HDGFL2: variants seen among roughly 807,000 people sequenced by gnomAD.
HDGFL2 encodes the protein HDGF like 2, also known as hepatoma-derived growth factor-related protein 2.
HDGFL2 carries 36 observed loss-of-function variants against 77.1 expected under a neutral mutation model. The observed-to-expected ratio is 0.47, with a 90% confidence interval of 0.36 to 0.62. The LOEUF is 0.62. HDGFL2 is among the 20% of genes least tolerant of loss of function. The probability of loss-of-function intolerance (pLI) is 0.00; values close to 1 mark genes in which losing one functional copy is unlikely to be tolerated. For synonymous variants in HDGFL2, 463 were observed against 413.1 expected, an observed-to-expected ratio of 1.12 and a Z score of -1.46; for missense variants, 976 against 973.4, an observed-to-expected ratio of 1.00 and a Z score of -0.04.
At chr19:4,479,606 A>AAAC (rs1975162762) in intron 3 of HDGFL2, among the ~76,000 whole-genome samples, 2 of 136,706 alleles carry the variant, frequency 1.5e-5, no homozygotes, top group Non-Finnish European at 3.2e-5. Flanking sequence ...AAAGAAAGAA[A>AAAC]CCCCGCCTCT....
At chr19:4,500,452 A>ATTT (rs67297373) in intron 14 of HDGFL2, among the ~76,000 whole-genome samples, 1 of 88,704 alleles carries the variant, frequency 1.1e-5, no homozygotes, top group South Asian at 3.5e-4. Flanking sequence ...TGCCCTGCTA[A>ATTT]TTTTTTTTTT....
rs377649905 is a variant in HDGFL2, at chr19:4,493,967, C to G, written c.839-15C>G. The G allele has an allele frequency of 4.4e-6, 7 of 1,603,598 alleles. No individual in the cohort carries two copies. Among genetic ancestry groups the G allele is most frequent in the Non-Finnish European group, 6.0e-6 (7 of 1,175,490 alleles). ...CCCTGGAAGGGAAGGTCACCCCCTC[C>G]TCCTCTTCCTGTAGCGGAGAAGCCT... On this transcript the variant is annotated splice_polypyrimidine_tract_variant and intron_variant, in intron 7 of 15. Coordinates refer to ENST00000616600, the MANE Select transcript of HDGFL2 (RefSeq NM_001001520.3).
chr19:4,491,434 T>G (rs1290237277), intron 4 of HDGFL2, 132 bp from the exon 5 acceptor site: 4 of 708,608 alleles, frequency 5.6e-6, no homozygotes, highest in Non-Finnish European at 9.9e-6. Flanking sequence ...TTGATCAGGT[T>G]CTCAGAGGGT....
chr19:4,481,042 A>T (rs1447933962), intron 3 of HDGFL2, among the ~76,000 whole-genome samples: 7 of 131,770 alleles, frequency 5.3e-5, no homozygotes, highest in African/African-American at 2.0e-4. Flanking sequence ...TTTTTTTGAG[A>T]CAAGAGTCTC....
intron 12 of HDGFL2, 67 bp downstream of exon 12, chr19:4,498,443 T>C (rs2288924): frequency 0.42 from 548,816 of 1,309,990 alleles, 117,924 homozygotes; most frequent in East Asian, 0.63. Flanking sequence ...CTCCCTTAGA[T>C]GTCTCGGGAA....
chr19:4,472,890 G>T (rs931755923), intron 1 of HDGFL2, among the ~76,000 whole-genome samples: 1 of 147,662 alleles, frequency 6.8e-6, no homozygotes, highest in Non-Finnish European at 1.5e-5. Flanking sequence ...CAGGAGCCGC[G>T]CCCCGGGGTC....
intron 3 of HDGFL2, among the ~76,000 whole-genome samples, chr19:4,482,564 CT>C (rs775235467): frequency 1.3e-5 from 2 of 152,276 alleles, no homozygotes; most frequent in Admixed American, 6.5e-5. Context: ...TCTTGAATTC[CT>C]GGGCTCAAGT....
chr19:4,497,387 C>T (rs985205000), intron 10 of HDGFL2: 6 of 325,836 alleles, frequency 1.8e-5, no homozygotes, highest in East Asian at 9.8e-5. Flanking sequence ...TTAGTAGAGA[C>T]GGGGCTTCAC....
chr19:4,489,927 G>T (rs1975463244), intron 4 of HDGFL2, among the ~76,000 whole-genome samples: 1 of 152,122 alleles, frequency 6.6e-6, no homozygotes, highest in Middle Eastern at 3.4e-3. Context: ...CTGGCCCCTG[G>T]CACCCACACA....
chr19:4,475,975 C>T (rs965778688), intron 3 of HDGFL2, among the ~76,000 whole-genome samples: 2 of 150,838 alleles, frequency 1.3e-5, no homozygotes, highest in African/African-American at 2.4e-5. Context: ...CTGCAAGCTC[C>T]GCCTCCTGTA....
chr19:4,493,842 C>T lies in HDGFL2; in HGVS notation c.818C>T (p.Pro273Leu), dbSNP rs1202127299. 23 of 1,514,386 alleles carry T rather than the reference C, an allele frequency of 1.5e-5. No homozygotes were observed. The highest frequency in any genetic ancestry group is 5.0e-5 in the East Asian group (2 of 39,796). The allele number at this position is 1,514,386 out of a possible 1,614,324, so 93.8% of individuals were successfully genotyped here. Residue 273 changes from proline (P) to leucine (L), a missense_variant, in exon 7 of 16, where the codon CCT (proline) becomes CTT (leucine). By Grantham distance (98) the Pro-to-Leu change is moderately conservative. Transcript: ENST00000616600. ...GACTCCGATGTGTCTGTGAAGAAGC[C>T]TCCGAGGGGCAGGAAGCCAGGTAGG... Reference protein sequence around the residue: ...SSDSDVSVKKPPRGRKPAEKP... With the variant: ...SSDSDVSVKKLPRGRKPAEKP...
At position 4,499,635 on chromosome 19, in the gene HDGFL2, A is replaced by AAGCTGGCCAGGGAGG. The variant is rs1975803666; in HGVS notation, c.1728_1729insAGGGAGGAGCTGGCC (p.Ala576_Gly577insArgGluGluLeuAla). 6.3e-7 allele frequency: 1 copy of AAGCTGGCCAGGGAGG among 1,589,994 alleles called. No individual in the cohort carries two copies. The highest frequency in any genetic ancestry group is 8.6e-7 in the Non-Finnish European group (1 of 1,167,704). On this transcript the variant is annotated inframe_insertion, in exon 14 of 16. Coordinates refer to ENST00000616600, the MANE Select transcript of HDGFL2 (RefSeq NM_001001520.3). ...GATGGAGAAGGAGAAGGCCGAGGAG[A>AAGCTGGCCAGGGAGG]AGCTGGCCGGGGAGGAGCTGGCCGG...
intron 4 of HDGFL2, among the ~76,000 whole-genome samples, chr19:4,489,428 G>A (rs1292277560): frequency 2.7e-5 from 4 of 149,326 alleles, no homozygotes; most frequent in African/African-American, 1.0e-4. Flanking sequence ...TTTTTGAGAC[G>A]GAGTCTCATT....
Position 4,501,990 on chromosome 19 carries a change from G to A in HDGFL2, c.1996G>A (p.Ala666Thr), listed in dbSNP as rs1975912936. Reference sequence around the variant, plus strand: ...CGAGAGGGCACGGGGGGACTCGGAGGCCCTGGACGAGGAGAGCTGAGCCGC... The same window carrying A: ...CGAGAGGGCACGGGGGGACTCGGAGACCCTGGACGAGGAGAGCTGAGCCGC... ...ERERARGDSE[A>T]LDEES Residue 666 changes from alanine (A) to threonine (T), a missense_variant, in exon 16 of 16, where the codon GCC (alanine) becomes ACC (threonine). Physicochemically the swap from Ala to Thr is moderately conservative, Grantham distance 58. This residue lies in a region of HDGFL2 where 229 missense variants were observed against 187.3 expected (regional missense o/e 1.22). Transcript: ENST00000616600. The A allele has an allele frequency of 5.3e-6, 8 of 1,516,000 alleles. No homozygotes were observed. Among genetic ancestry groups the A allele is most frequent in the Middle Eastern group, 1.9e-4 (1 of 5,320 alleles). 93.9% of individuals were successfully genotyped at this position (1,516,000 alleles called of 1,614,324 possible).
chr19:4,491,714 A>G, intron 5 of HDGFL2, 32 bp downstream of exon 5: 1 of 1,612,360 alleles, frequency 6.2e-7, no homozygotes, highest in Non-Finnish European at 8.5e-7. Context: ...ATGGCAGGGA[A>G]GCGTGGTGGC....
chr19:4,497,572 C>T (rs1408418711), intron 10 of HDGFL2: 8 of 311,462 alleles, frequency 2.6e-5, no homozygotes, highest in South Asian at 9.5e-5. Context: ...ATGGCAGTGG[C>T]GGGGTACAGA....
intron 10 of HDGFL2, 30 bp from the exon 11 acceptor site, chr19:4,497,928 G>C (rs1025412902): frequency 6.5e-7 from 1 of 1,545,072 alleles, no homozygotes; most frequent in African/African-American, 1.4e-5. Flanking sequence ...CCGGTGACGG[G>C]GCCCGACTGA....
intron 4 of HDGFL2, 37 bp downstream of exon 4, chr19:4,488,913 C>A (rs1038682096): frequency 1.3e-6 from 2 of 1,502,584 alleles, no homozygotes; most frequent in East Asian, 2.5e-5. Flanking sequence ...CCTTCATCCC[C>A]TTGCCCTGAT....
chr19:4,475,192 T>G, intron 1 of HDGFL2, 83 bp from the exon 2 acceptor site: 1 of 1,226,064 alleles, frequency 8.2e-7, no homozygotes, highest in South Asian at 1.3e-5. Flanking sequence ...CCAGCGTGAT[T>G]TGCCCCAAGT....
Sources: gnomAD v4.1 joint callset for allele counts (sites outside exome capture counted in the v4.1 genomes callset) on GRCh38, gnomAD v4.1.1 for gene constraint, gnomAD v4.1.1 regional missense constraint, MANE v1.5 for transcripts, NCBI Gene and HGNC (gene_info 2026-07-23, HGNC 2026-07-21) for gene names.